SMIM35: variants seen among roughly 807,000 people sequenced by gnomAD.
The protein encoded by SMIM35 is TMPRSS4 antisense RNA 1 (non-protein coding).
chr11:118,027,467 A>G (rs982100217), intron 1 of SMIM35, among the ~76,000 whole-genome samples: 3 of 152,166 alleles, frequency 2.0e-5, no homozygotes, highest in African/African-American at 4.8e-5. Flanking sequence ...TGCCAAAGCC[A>G]CAGTGAGAAC....
At chr11:118,080,965 C>G (rs1385338214) in intron 1 of SMIM35, among the ~76,000 whole-genome samples, 1 of 152,234 alleles carries the variant, frequency 6.6e-6, no homozygotes, top group Non-Finnish European at 1.5e-5. Flanking sequence ...GTGCAATCAT[C>G]TACCACATTT....
At chr11:118,028,871 A>G in intron 1 of SMIM35, 2 of 447,168 alleles carry the variant, frequency 4.5e-6, no homozygotes, top group South Asian at 1.6e-5. Context: ...AGAAGAAAAA[A>G]GTTGGGGGAG....
chr11:118,008,364 C>G (rs2058133088), intron 4 of SMIM35, among the ~76,000 whole-genome samples: 1 of 152,202 alleles, frequency 6.6e-6, no homozygotes. Flanking sequence ...CCATCTGCTC[C>G]CACTTTGAGT....
At chr11:118,027,915 T>A (rs1198072183) in intron 1 of SMIM35, among the ~76,000 whole-genome samples, 10 of 152,252 alleles carry the variant, frequency 6.6e-5, no homozygotes, top group Admixed American at 6.5e-4. Context: ...AAGTGTTGCA[T>A]GTGGATCCGT....
chr11:118,086,568 G>A (rs1288054687), intron 1 of SMIM35, among the ~76,000 whole-genome samples, 183 bp downstream of exon 1: 1 of 152,198 alleles, frequency 6.6e-6, no homozygotes, highest in African/African-American at 2.4e-5. Context: ...GCTGGTGGCC[G>A]ACCTGCCTAG....
chr11:118,056,181 A>G (rs1282607262), intron 1 of SMIM35, among the ~76,000 whole-genome samples: 2 of 152,066 alleles, frequency 1.3e-5, no homozygotes, highest in African/African-American at 4.8e-5. Flanking sequence ...TTGGCCCCTG[A>G]GAGGCTCACT....
rs962516377 is a variant in SMIM35, at chr11:118,005,536, A to G, written c.*874T>C. 6.6e-6 allele frequency: 1 copy of G among 152,126 alleles called. No homozygotes were observed. The highest frequency in any genetic ancestry group is 1.5e-5 in the Non-Finnish European group (1 of 68,048). 9.4% of individuals were successfully genotyped at this position (152,126 alleles called of 1,614,324 possible). A position where few individuals can be genotyped will look rare whatever the true frequency, so the allele number is the denominator to read the frequency against. ...TATAGTGTCTACAACAGAGCTCATG[A>G]TTCCCCTGACACTCCTTCCTCCCCT... On this transcript the variant is annotated 3_prime_UTR_variant, in exon 5 of 5. Coordinates refer to ENST00000689828, the MANE Select transcript of SMIM35 (RefSeq NM_001394165.1).
intron 1 of SMIM35, among the ~76,000 whole-genome samples, chr11:118,073,754 C>T (rs909243054): frequency 2.0e-5 from 3 of 152,228 alleles, no homozygotes; most frequent in Non-Finnish European, 2.9e-5. Flanking sequence ...GGACCTCCCC[C>T]ATGGACACCA....
At chr11:118,026,632 C>T (rs1410635495) in intron 1 of SMIM35, among the ~76,000 whole-genome samples, 2 of 152,044 alleles carry the variant, frequency 1.3e-5, no homozygotes, top group Non-Finnish European at 2.9e-5. Context: ...TAGGATTTTA[C>T]AGAGGGAAAT....
chr11:118,040,301 C>G (rs750122319), intron 1 of SMIM35, among the ~76,000 whole-genome samples: 5 of 152,094 alleles, frequency 3.3e-5, no homozygotes, highest in African/African-American at 1.2e-4. Context: ...CAAACAGACA[C>G]TTAATAGTAA....
At chr11:118,041,947 A>G (rs1944008120) in intron 1 of SMIM35, among the ~76,000 whole-genome samples, 1 of 151,474 alleles carries the variant, frequency 6.6e-6, no homozygotes, top group African/African-American at 2.4e-5. Flanking sequence ...GCTACTCGGG[A>G]GGCTGAAGCA....
intron 1 of SMIM35, among the ~76,000 whole-genome samples, chr11:118,069,206 T>C (rs1370466459): frequency 6.6e-6 from 1 of 152,226 alleles, no homozygotes; most frequent in Non-Finnish European, 1.5e-5. Context: ...TTCCCTCATC[T>C]GTAAGATGGG....
rs1790595026 is a variant in SMIM35 at position 118,014,725 on chromosome 11, G to A, written c.141C>T (p.Phe47=). 2 of 398,806 alleles carry A rather than the reference G, an allele frequency of 5.0e-6. No homozygotes were observed. Among genetic ancestry groups the A allele is most frequent in the Non-Finnish European group, 4.4e-6 (1 of 226,040 alleles). The allele number at this position is 398,806 out of a possible 1,614,324, so 24.7% of individuals were successfully genotyped here. A position where few individuals can be genotyped will look rare whatever the true frequency, so the allele number is the denominator to read the frequency against. Reference sequence around the variant, plus strand: ...TTACTCACCGGATTTGATATAAGTTGAAGACAAAATTAGGCCCTAGGAAGA... The same window carrying A: ...TTACTCACCGGATTTGATATAAGTTAAAGACAAAATTAGGCCCTAGGAAGA... The part of the protein sequence containing the change: ...GYCWEGPNFV[F]NLYQIRNLKD... The change falls in exon 3 of 5, where the codon TTC becomes TTT. Residue 47 remains phenylalanine (F), a synonymous_variant. Transcript: ENST00000689828.
intron 4 of SMIM35, among the ~76,000 whole-genome samples, chr11:118,007,761 G>A (rs945105846): frequency 3.3e-5 from 5 of 152,196 alleles, no homozygotes; most frequent in South Asian, 2.1e-4. Context: ...ATGAGAAACC[G>A]CATCCTCCTG....
intron 4 of SMIM35, among the ~76,000 whole-genome samples, chr11:118,013,389 A>G (rs1385204004): frequency 6.6e-6 from 1 of 152,234 alleles, no homozygotes; most frequent in Non-Finnish European, 1.5e-5. Context: ...TCAGAACTGA[A>G]GTGCTAGAGT....
intron 4 of SMIM35, among the ~76,000 whole-genome samples, chr11:118,012,408 T>C (rs774572473): frequency 1.1e-4 from 16 of 152,308 alleles, no homozygotes; most frequent in Non-Finnish European, 8.8e-5. Flanking sequence ...GGATTCCTGG[T>C]TTCCCTGGTG....
chr11:118,007,105 A>C (rs2058125881), intron 4 of SMIM35, among the ~76,000 whole-genome samples: 1 of 150,352 alleles, frequency 6.7e-6, no homozygotes, highest in African/African-American at 2.4e-5. Context: ...CTCCTTCTCC[A>C]CTCCCCACCC....
At chr11:118,016,614 G>A (rs1422857718) in intron 1 of SMIM35, among the ~76,000 whole-genome samples, 2 of 152,166 alleles carry the variant, frequency 1.3e-5, no homozygotes, top group Non-Finnish European at 2.9e-5. Context: ...GAGGTGCAGT[G>A]GTTGAACTCA....
intron 1 of SMIM35, among the ~76,000 whole-genome samples, chr11:118,021,047 G>GTTTTTTTTTTTTTTTTTTTT (rs367714265): frequency 1.5e-4 from 21 of 140,822 alleles, no homozygotes; most frequent in African/African-American, 4.7e-4. Flanking sequence ...ACAGGGTAAG[G>GTTTTTTTTTTTTTTTTTTTT]TTTTTTTTTT....
Sources: gnomAD v4.1 joint callset for allele counts (sites outside exome capture counted in the v4.1 genomes callset) on GRCh38, gnomAD v4.1.1 for gene constraint, MANE v1.5 for transcripts, NCBI Gene and HGNC (gene_info 2026-07-23, HGNC 2026-07-21) for gene names.